PPP1R12A: variants seen among roughly 807,000 people sequenced by gnomAD.
PPP1R12A encodes the protein protein phosphatase 1 regulatory subunit 12A, also known as myosin binding subunit.
A neutral mutation model predicts 139.6 loss-of-function variants in PPP1R12A; 19 were observed. That is an observed-to-expected ratio of 0.14 (90% CI 0.09 to 0.20). The LOEUF (loss-of-function observed/expected upper bound fraction) is 0.20. Ranked by LOEUF, PPP1R12A falls within the 10% of genes least tolerant of loss-of-function variation. The pLI, the probability that PPP1R12A is intolerant of heterozygous loss-of-function variation, is 1.00. For missense variants in PPP1R12A, 925 were observed against 1,211.5 expected, an observed-to-expected ratio of 0.76 and a Z score of 3.51; for synonymous variants, 427 against 420.6, an observed-to-expected ratio of 1.02 and a Z score of -0.19.
chr12:79,804,472 A>G (rs1592639916), intron 14 of PPP1R12A, among the ~76,000 whole-genome samples: 1 of 152,256 alleles, frequency 6.6e-6, no homozygotes, highest in Non-Finnish European at 1.5e-5. Context: ...ATGCAATGAT[A>G]GAAAAAAAAG....
At chr12:79,852,237 T>A (rs561453412) in intron 2 of PPP1R12A, among the ~76,000 whole-genome samples, 20 of 151,256 alleles carry the variant, frequency 1.3e-4, no homozygotes, top group Admixed American at 1.3e-3. Flanking sequence ...GTTGCCCAGG[T>A]TGGAGTGCAG....
intron 2 of PPP1R12A, 61 bp from the exon 3 acceptor site, chr12:79,845,481 G>T: frequency 8.3e-7 from 1 of 1,207,162 alleles, no homozygotes; most frequent in Non-Finnish European, 1.2e-6. Flanking sequence ...AAAACTAAAT[G>T]CATAACCAAT....
At chr12:79,930,666 G>T (rs1396668335) in intron 1 of PPP1R12A, among the ~76,000 whole-genome samples, 1 of 152,100 alleles carries the variant, frequency 6.6e-6, no homozygotes, top group African/African-American at 2.4e-5. Flanking sequence ...CAGCTACTTG[G>T]GAAGCTGAGC....
intron 15 of PPP1R12A, 130 bp from the exon 16 acceptor site, chr12:79,797,525 A>T (rs1185835805): frequency 1.2e-6 from 1 of 847,280 alleles, no homozygotes; most frequent in Non-Finnish European, 1.8e-6. Context: ...TTGGTTTGCA[A>T]ATGGAAACAG....
At chr12:79,847,350 T>C (rs766333147) in intron 2 of PPP1R12A, among the ~76,000 whole-genome samples, 2 of 152,230 alleles carry the variant, frequency 1.3e-5, no homozygotes, top group Non-Finnish European at 2.9e-5. Flanking sequence ...TGCACTTAAA[T>C]AGACAGTTGA....
chr12:79,917,668 T>C (rs1240349520), intron 1 of PPP1R12A, among the ~76,000 whole-genome samples: 1 of 151,958 alleles, frequency 6.6e-6, no homozygotes, highest in African/African-American at 2.4e-5. Context: ...CTCAATCAAA[T>C]ACTCAAAGCA....
intron 1 of PPP1R12A, among the ~76,000 whole-genome samples, chr12:79,909,770 T>C (rs1886413332): frequency 6.6e-6 from 1 of 151,796 alleles, no homozygotes. Flanking sequence ...CTACAGCCTC[T>C]GCTTAATGTC....
chr12:79,784,754 C>T (rs1233095930), intron 22 of PPP1R12A, among the ~76,000 whole-genome samples: 1 of 152,148 alleles, frequency 6.6e-6, no homozygotes, highest in African/African-American at 2.4e-5. Flanking sequence ...TCTCCTGCCT[C>T]AGCTCCCAAG....
At chr12:79,867,717 G>A (rs942012207) in intron 2 of PPP1R12A, among the ~76,000 whole-genome samples, 4 of 152,154 alleles carry the variant, frequency 2.6e-5, no homozygotes, top group African/African-American at 4.8e-5. Flanking sequence ...TAATCGCCAC[G>A]TGTTGTAGGA....
chr12:79,846,804 T>C (rs1879468491), intron 2 of PPP1R12A, among the ~76,000 whole-genome samples: 1 of 152,032 alleles, frequency 6.6e-6, no homozygotes, highest in African/African-American at 2.4e-5. Flanking sequence ...TGTACAGCCC[T>C]CACTGATCTG....
intron 1 of PPP1R12A, among the ~76,000 whole-genome samples, chr12:79,915,648 T>A (rs1292764807): frequency 6.6e-6 from 1 of 152,144 alleles, no homozygotes; most frequent in African/African-American, 2.4e-5. Flanking sequence ...ACCCATTATC[T>A]TTTCATCTTA....
At chr12:79,826,334 C>T (rs1042662800) in intron 5 of PPP1R12A, among the ~76,000 whole-genome samples, 9 of 138,264 alleles carry the variant, frequency 6.5e-5, no homozygotes, top group African/African-American at 1.9e-4. Flanking sequence ...ACAATTGTTT[C>T]GGGTTTTTTT....
chr12:79,857,082 G>A (rs1880745920), intron 2 of PPP1R12A, among the ~76,000 whole-genome samples: 1 of 152,152 alleles, frequency 6.6e-6, no homozygotes, highest in Non-Finnish European at 1.5e-5. Context: ...CCATTACTGG[G>A]TATATACCCA....
intron 9 of PPP1R12A, among the ~76,000 whole-genome samples, chr12:79,814,572 T>C (rs1026074717): frequency 6.0e-5 from 9 of 149,974 alleles, no homozygotes; most frequent in Non-Finnish European, 1.2e-4. Flanking sequence ...TCCTAGCACT[T>C]TGCAAGGCCG....
intron 23 of PPP1R12A, chr12:79,779,322 G>A (rs1017355830): frequency 1.1e-5 from 14 of 1,288,828 alleles, no homozygotes; most frequent in East Asian, 5.6e-5. Context: ...AGGTCATACC[G>A]CCCAGAAGAT....
intron 3 of PPP1R12A, among the ~76,000 whole-genome samples, chr12:79,843,043 GTTTTTGGTTT>G (rs922628852): frequency 1.1e-4 from 17 of 151,970 alleles, no homozygotes; most frequent in Admixed American, 2.0e-4. Flanking sequence ...AGAATCATTT[GTTTTTGGTTT>G]TTTTTGATCA....
intron 1 of PPP1R12A, among the ~76,000 whole-genome samples, chr12:79,908,461 CCT>C (rs1424220696): frequency 2.0e-5 from 3 of 152,122 alleles, no homozygotes; most frequent in Non-Finnish European, 4.4e-5. Flanking sequence ...TTTTTATCTC[CCT>C]GTCATCCACA....
At chr12:79,836,619 A>G (rs1377605435) in intron 3 of PPP1R12A, among the ~76,000 whole-genome samples, 1 of 152,228 alleles carries the variant, frequency 6.6e-6, no homozygotes, top group South Asian at 2.1e-4. Flanking sequence ...AAATTAAATT[A>G]GAAAAGAAAA....
At chr12:79,846,861 T>C (rs1278515214) in intron 2 of PPP1R12A, among the ~76,000 whole-genome samples, 1 of 152,092 alleles carries the variant, frequency 6.6e-6, no homozygotes, top group Admixed American at 6.5e-5. Context: ...CATCACACTT[T>C]AGGCACCAAC....
Sources: gnomAD v4.1 joint callset for allele counts (sites outside exome capture counted in the v4.1 genomes callset) on GRCh38, gnomAD v4.1.1 for gene constraint, MANE v1.5 for transcripts, NCBI Gene and HGNC (gene_info 2026-07-23, HGNC 2026-07-21) for gene names.